Variants in FGF13 observed in about 807,000 individuals in gnomAD.
FGF13 encodes fibroblast growth factor 13, also known as fibroblast growth factor homologous factor 2.
A neutral mutation model predicts 19.5 loss-of-function variants in FGF13; 2 were observed. That is an observed-to-expected ratio of 0.10 (90% CI 0.04 to 0.32). The LOEUF is 0.32. Ranked by LOEUF, FGF13 falls within the 10% of genes least tolerant of loss-of-function variation. The pLI, the probability that FGF13 is intolerant of heterozygous loss-of-function variation, is 1.00. For missense variants in FGF13, 113 were observed against 192.7 expected, an observed-to-expected ratio of 0.59 and a Z score of 2.45; for synonymous variants, 72 against 76.9, an observed-to-expected ratio of 0.94 and a Z score of 0.33.
At chrX:138,757,282 C>G (rs1251178368) in intron 3 of FGF13, among the ~76,000 whole-genome samples, 1 of 109,896 alleles carries the variant, frequency 9.1e-6, no homozygotes, top group Non-Finnish European at 1.9e-5. Context: ...CTTTGAGCAT[C>G]ACCTATAGTG....
At chrX:138,785,324 A>G (rs941316476) in intron 3 of FGF13, among the ~76,000 whole-genome samples, 1 of 111,369 alleles carries the variant, frequency 9.0e-6, no homozygotes, top group Non-Finnish European at 1.9e-5. Flanking sequence ...TATTTATCAA[A>G]TATCTTAACT....
chrX:139,006,369 T>C (rs897709424), intron 1 of FGF13, among the ~76,000 whole-genome samples: 2 of 111,212 alleles, frequency 1.8e-5, no homozygotes, highest in Admixed American at 1.9e-4. Context: ...ATAAAAACTT[T>C]CCCAGACAAA....
chrX:139,056,961 T>C (rs755134527), intron 1 of FGF13, among the ~76,000 whole-genome samples: 30 of 111,860 alleles, frequency 2.7e-4, no homozygotes, highest in Non-Finnish European at 5.1e-4. Flanking sequence ...TAGACAAAGC[T>C]GTCTGGGGAG....
chrX:138,985,060 C>T (rs1456100918), intron 1 of FGF13: 4 of 370,899 alleles, frequency 1.1e-5, no homozygotes, highest in Admixed American at 5.3e-5. Flanking sequence ...TGATGCATCC[C>T]TACTTTTTTC....
chrX:139,110,016 C>T (rs1048940436), intron 1 of FGF13, among the ~76,000 whole-genome samples: 1 of 111,540 alleles, frequency 9.0e-6, no homozygotes, highest in African/African-American at 3.3e-5. Flanking sequence ...AAGATGCTTA[C>T]AATCTGTGCA....
intron 3 of FGF13, among the ~76,000 whole-genome samples, chrX:138,847,757 T>C (rs773802529): frequency 7.1e-5 from 8 of 112,000 alleles, no homozygotes; most frequent in African/African-American, 1.6e-4. Flanking sequence ...CTCCTAATCA[T>C]GTCAGAGTCA....
At chrX:138,879,857 G>A (rs2091413496) in intron 1 of FGF13, among the ~76,000 whole-genome samples, 1 of 112,004 alleles carries the variant, frequency 8.9e-6, no homozygotes, top group Non-Finnish European at 1.9e-5. Context: ...AAGAGCTTCT[G>A]CACAGCAAAA....
At chrX:138,736,413 C>T (rs773283802) in intron 1 of FGF13, among the ~76,000 whole-genome samples, 1 of 111,697 alleles carries the variant, frequency 9.0e-6, no homozygotes, top group Non-Finnish European at 1.9e-5. Context: ...GAAATATTTT[C>T]TAGTGGTCTA....
intron 1 of FGF13, among the ~76,000 whole-genome samples, chrX:139,046,256 G>A (rs754703799): frequency 1.3e-3 from 141 of 110,956 alleles, no homozygotes; most frequent in Admixed American, 2.9e-3. Flanking sequence ...CACACTTTTA[G>A]ATGACTAGAT....
intron 3 of FGF13, among the ~76,000 whole-genome samples, chrX:138,801,392 G>T (rs2090828060): frequency 8.9e-6 from 1 of 112,028 alleles, no homozygotes; most frequent in African/African-American, 3.2e-5. Context: ...GGTCCTGTTT[G>T]CCTGGGTATC....
At chrX:138,768,738 G>GATATATATATATATATATATATATATAT (rs1207173971) in intron 3 of FGF13, among the ~76,000 whole-genome samples, 11 of 94,745 alleles carry the variant, frequency 1.2e-4, no homozygotes, top group African/African-American at 4.2e-4. Context: ...ATATATATAT[G>GATATATATATATATATATATATATATAT]ATATATATAT....
At chrX:138,685,104 A>G (rs1179357210) in intron 3 of FGF13, among the ~76,000 whole-genome samples, 1 of 111,782 alleles carries the variant, frequency 8.9e-6, no homozygotes, top group Admixed American at 9.5e-5. Context: ...AACCACAAGG[A>G]GATATAATAA....
At chrX:139,179,955 TC>T (rs1312876825) in intron 1 of FGF13, among the ~76,000 whole-genome samples, 4 of 113,220 alleles carry the variant, frequency 3.5e-5, no homozygotes, top group Non-Finnish European at 7.5e-5. Context: ...TATCTCTGTG[TC>T]CCTAGTATCC....
chrX:139,064,281 C>CTTTTTTTTTTT (rs139084376), intron 1 of FGF13, among the ~76,000 whole-genome samples: 13 of 23,163 alleles, frequency 5.6e-4, no homozygotes, highest in Admixed American at 1.6e-3. Flanking sequence ...CTTTTTTTTT[C>CTTTTTTTTTTT]TTTTTTTTTT....
chrX:138,921,618 G>A (rs1377921914), intron 1 of FGF13, among the ~76,000 whole-genome samples: 2 of 110,682 alleles, frequency 1.8e-5, no homozygotes, highest in African/African-American at 6.6e-5. Context: ...TTCTCTACTT[G>A]TCCTTTTTGC....
chrX:139,004,681 C>G (rs1241774519), intron 1 of FGF13, among the ~76,000 whole-genome samples: 1 of 112,161 alleles, frequency 8.9e-6, no homozygotes, highest in African/African-American at 3.2e-5. Context: ...TCTGGATGTG[C>G]CCTGGGCCAG....
intron 3 of FGF13, among the ~76,000 whole-genome samples, chrX:138,818,505 C>CACAG (rs1229190884): frequency 9.5e-4 from 52 of 54,653 alleles, no homozygotes; most frequent in Admixed American, 4.9e-4. Context: ...CACAGACACA[C>CACAG]ACACACACAC....
At chrX:138,815,774 A>C (rs1273306784) in intron 3 of FGF13, among the ~76,000 whole-genome samples, 1 of 108,737 alleles carries the variant, frequency 9.2e-6, no homozygotes, top group African/African-American at 3.3e-5. Context: ...GTATAATTTA[A>C]AAAAAAAAGA....
At chrX:139,153,031 G>C (rs761099949) in intron 1 of FGF13, among the ~76,000 whole-genome samples, 1 of 111,387 alleles carries the variant, frequency 9.0e-6, no homozygotes. Flanking sequence ...GGTGCTCACT[G>C]TACTGTGAGC....
Sources: gnomAD v4.1 joint callset for allele counts (sites outside exome capture counted in the v4.1 genomes callset) on GRCh38, gnomAD v4.1.1 for gene constraint, MANE v1.5 for transcripts, NCBI Gene and HGNC (gene_info 2026-07-23, HGNC 2026-07-21) for gene names.